TDRD7: variants seen among roughly 807,000 people sequenced by gnomAD.
The protein encoded by TDRD7 is tudor domain-containing protein 7.
In TDRD7, 47 loss-of-function variants were observed where a neutral mutation model predicts 109.8. The observed-to-expected ratio is 0.43, with a 90% CI of 0.34 to 0.55. TDRD7 has a LOEUF of 0.55. TDRD7 is among the 20% of genes least tolerant of loss of function. The pLI is 0.03. For synonymous variants in TDRD7, 424 were observed against 457.3 expected (o/e 0.93, Z 0.93); for missense variants, 1,164 against 1,319.2 (o/e 0.88, Z 1.82).
intron 15 of TDRD7, among the ~76,000 whole-genome samples, chr9:97,485,190 G>A (rs181808222): frequency 1.3e-5 from 2 of 152,172 alleles, no homozygotes; most frequent in Admixed American, 6.5e-5. Context: ...TTATTACAGC[G>A]GTTTCCAAAT....
rs574136935 is a variant in TDRD7, at chr9:97,412,336, C to G, written c.-7+98C>G. Reference sequence around the variant, plus strand: ...GGCGCACCTGGGTCACCGGTGGGACCGCGGCCAGGGCCGGGGGCTCCAACA... The same window carrying G: ...GGCGCACCTGGGTCACCGGTGGGACGGCGGCCAGGGCCGGGGGCTCCAACA... On this transcript the variant is annotated intron_variant, in intron 1 of 16. Transcript: ENST00000355295. This position sits in a 1 kb window ranked among gnomAD's most constrained non-coding sequence, Gnocchi z 4.3. The G allele has an allele frequency of 6.6e-6, 1 of 152,456 alleles. No homozygotes were observed. Among genetic ancestry groups the G allele is most frequent in the South Asian group, 2.1e-4 (1 of 4,832 alleles). The allele number at this position is 152,456 out of a possible 1,614,324, so 9.4% of individuals were successfully genotyped here.
chr9:97,440,038 T>G (rs539487805), intron 5 of TDRD7, among the ~76,000 whole-genome samples: 31 of 152,316 alleles, frequency 2.0e-4, no homozygotes, highest in African/African-American at 7.2e-4. Flanking sequence ...CTTACTTAGT[T>G]GAAATGCTTT....
intron 6 of TDRD7, among the ~76,000 whole-genome samples, chr9:97,452,304 G>C (rs899740728): frequency 1.3e-5 from 2 of 152,364 alleles, no homozygotes; most frequent in Non-Finnish European, 2.9e-5. Flanking sequence ...AAATTTATCT[G>C]TGAATATTTG....
At position 97,460,327 on chromosome 9, in the gene TDRD7, A is replaced by G. The variant is rs1011644144; in HGVS notation, c.1005A>G (p.Thr335=). Residue 335 remains threonine (T), a synonymous_variant, in exon 7 of 17, where the codon ACA becomes ACG. Coordinates refer to ENST00000355295, the MANE Select transcript of TDRD7 (RefSeq NM_014290.3). ...KQTPPLKGCP[T]VMAGDFKEKV... ...CACCACCGTTGAAAGGGTGTCCAAC[A>G]GTTATGGCAGGAGACTTTAAAGAAA... is the stretch of plus-strand genomic sequence containing the variant. 2 of 1,614,090 alleles carry G rather than the reference A, an allele frequency of 1.2e-6. No individual in the cohort carries two copies. The highest frequency in any genetic ancestry group is 1.1e-5 in the South Asian group (1 of 91,092).
At chr9:97,429,900 C>G (rs1198096006) in intron 2 of TDRD7, among the ~76,000 whole-genome samples, 3 of 152,192 alleles carry the variant, frequency 2.0e-5, no homozygotes, top group Non-Finnish European at 4.4e-5. Flanking sequence ...TTACTCAACT[C>G]TTTGTTCCCC....
chr9:97,427,691 C>T (rs1354902946), intron 1 of TDRD7, among the ~76,000 whole-genome samples: 1 of 152,120 alleles, frequency 6.6e-6, no homozygotes, highest in African/African-American at 2.4e-5. Flanking sequence ...CATTGGAGCC[C>T]ACCTCTTCAT....
chr9:97,453,480 G>GT (rs1486312360), intron 6 of TDRD7, among the ~76,000 whole-genome samples: 4 of 152,068 alleles, frequency 2.6e-5, no homozygotes, highest in Non-Finnish European at 5.9e-5. Context: ...GGGTATCCAG[G>GT]TTCTCTCAGC....
At chr9:97,470,145 G>C (rs563529588) in intron 8 of TDRD7, among the ~76,000 whole-genome samples, 2 of 152,324 alleles carry the variant, frequency 1.3e-5, no homozygotes, top group African/African-American at 4.8e-5. Flanking sequence ...AAATACTGCT[G>C]TCCAGGGAAC....
chr9:97,482,725 TA>T, intron 14 of TDRD7, 123 bp from the exon 15 acceptor site: 3 of 1,003,638 alleles, frequency 3.0e-6, no homozygotes, highest in Non-Finnish European at 4.4e-6. Flanking sequence ...TTTCCTTAAA[TA>T]AAATGGATTT....
intron 8 of TDRD7, 58 bp from the exon 9 acceptor site, chr9:97,470,500 A>C: frequency 1.4e-6 from 2 of 1,478,434 alleles, no homozygotes; most frequent in South Asian, 2.3e-5. Flanking sequence ...TAAGTGTATC[A>C]AATGAATTTT....
chr9:97,458,551 A>G (rs934931535), intron 6 of TDRD7, among the ~76,000 whole-genome samples: 2 of 152,170 alleles, frequency 1.3e-5, no homozygotes, highest in African/African-American at 2.4e-5. Flanking sequence ...CCAATCATAT[A>G]ACATGCCATT....
intron 1 of TDRD7, among the ~76,000 whole-genome samples, chr9:97,421,837 A>T (rs1323293733): frequency 6.6e-6 from 1 of 152,026 alleles, no homozygotes; most frequent in Non-Finnish European, 1.5e-5. Context: ...CTGAAATTAC[A>T]GACGTGAACC....
chr9:97,494,077 G>A (rs1829351627), intron 16 of TDRD7, among the ~76,000 whole-genome samples: 2 of 152,162 alleles, frequency 1.3e-5, no homozygotes, highest in African/African-American at 4.8e-5. Context: ...AGAGATTAAA[G>A]TAAAGACAGG....
chr9:97,480,402 T>G, intron 13 of TDRD7: 3 of 210,858 alleles, frequency 1.4e-5, no homozygotes, highest in Non-Finnish European at 2.9e-5. Context: ...GCAACAGGAG[T>G]CAGATTTCCT....
intron 1 of TDRD7, among the ~76,000 whole-genome samples, chr9:97,413,108 T>G (rs1026059298): frequency 6.6e-6 from 1 of 152,138 alleles, no homozygotes; most frequent in Non-Finnish European, 1.5e-5. Flanking sequence ...ACCACAGATC[T>G]AGTTCATTAA....
chr9:97,492,176 T>G (rs1829319509), intron 16 of TDRD7, among the ~76,000 whole-genome samples: 1 of 152,234 alleles, frequency 6.6e-6, no homozygotes, highest in Admixed American at 6.5e-5. Flanking sequence ...ATTTTCTGTT[T>G]GTTCAGCTTT....
chr9:97,428,438 A>G (rs944157556), intron 1 of TDRD7, 22 bp from the exon 2 acceptor site: 1 of 1,609,782 alleles, frequency 6.2e-7, no homozygotes. Flanking sequence ...TATTATAGTA[A>G]CCTTCTACTG....
At chr9:97,442,830 T>C (rs200605743) in intron 6 of TDRD7, among the ~76,000 whole-genome samples, 10,790 of 152,070 alleles carry the variant, frequency 0.071, 586 homozygotes, top group African/African-American at 0.16. Flanking sequence ...AGTTTCACTT[T>C]TTGTCACCCA....
rs953864362 is a variant in TDRD7 at position 97,460,223 on chromosome 9, G to C, written c.901G>C (p.Ala301Pro). ...SGGQDLLLYP[A>P]KRKQLLRSEL... ...TGGCCAAGATTTACTTCTTTATCCA[G>C]CTAAGAGAAAGCAGCTTTTGAGAAG... is the stretch of plus-strand genomic sequence containing the variant. The change falls in exon 7 of 17, where the codon GCT (alanine) becomes CCT (proline). Residue 301 changes from alanine to proline, a missense_variant. By Grantham distance (27) the Ala-to-Pro change is conservative. Coordinates refer to ENST00000355295, the MANE Select transcript of TDRD7 (RefSeq NM_014290.3). 1 of 1,614,196 alleles carries C rather than the reference G, an allele frequency of 6.2e-7. No individual in the cohort carries two copies. The highest frequency in any genetic ancestry group is 1.3e-5 in the African/African-American group (1 of 75,048).
Sources: gnomAD v4.1 joint callset for allele counts (sites outside exome capture counted in the v4.1 genomes callset) on GRCh38, gnomAD v4.1.1 for gene constraint, Gnocchi (gnomAD v3.1) non-coding constraint, MANE v1.5 for transcripts, NCBI Gene and HGNC (gene_info 2026-07-23, HGNC 2026-07-21) for gene names.